The following CNGA1 variants were observed in gnomAD, a reference collection of about 807,000 sequenced individuals.
CNGA1 encodes cyclic nucleotide-gated channel alpha-1.
In CNGA1, 53 loss-of-function variants were observed where a neutral mutation model predicts 69.7. The observed-to-expected ratio is 0.76, with a 90% confidence interval of 0.61 to 0.96. CNGA1 has a LOEUF of 0.96. Ranked by LOEUF, CNGA1 falls within the 40% of genes least tolerant of loss-of-function variation. CNGA1 has a pLI of 0.00. For synonymous variants in CNGA1, 249 were observed against 283.5 expected, an observed-to-expected ratio of 0.88 and a Z score of 1.22; for missense variants, 739 against 811.2, an observed-to-expected ratio of 0.91 and a Z score of 1.08.
At chr4:47,980,217 T>G (rs1016307977) in intron 3 of CNGA1, among the ~76,000 whole-genome samples, 1 of 152,162 alleles carries the variant, frequency 6.6e-6, no homozygotes, top group Non-Finnish European at 1.5e-5. Context: ...AGTGAAAGAA[T>G]GAGTGTAATT....
At chr4:47,955,108 C>G (rs367547812) in intron 3 of CNGA1, among the ~76,000 whole-genome samples, 19 of 151,520 alleles carry the variant, frequency 1.3e-4, no homozygotes, top group African/African-American at 3.9e-4. Flanking sequence ...GCCTCAGTGA[C>G]TCAATTAGGA....
intron 2 of CNGA1, among the ~76,000 whole-genome samples, chr4:48,008,183 G>GT (rs1027215222): frequency 2.6e-5 from 4 of 151,670 alleles, no homozygotes; most frequent in East Asian, 3.8e-4. Context: ...AAGTTTTGGG[G>GT]TTTTTTTTAA....
chr4:47,937,689 C>T lies in CNGA1; in HGVS notation c.793G>A (p.Glu265Lys). The T allele has an allele frequency of 6.2e-7, 1 of 1,614,130 alleles. No homozygotes were observed. Among genetic ancestry groups the T allele is most frequent in the South Asian group, 1.1e-5 (1 of 91,086 alleles). Residue 265 changes from glutamate (E) to lysine (K), a missense_variant, in exon 11 of 11, where the codon GAA (glutamate) becomes AAA (lysine). Glu to Lys is a moderately conservative substitution (Grantham distance 56). Coordinates refer to ENST00000514170, the MANE Select transcript of CNGA1 (RefSeq NM_001379270.1). Reference sequence around the variant, plus strand: ...CGTAACAACCTGTTTAATCTAATTTCTGGATAGTTCCACCCTAACTTAAAA... The same window carrying T: ...CGTAACAACCTGTTTAATCTAATTTTTGGATAGTTCCACCCTAACTTAAAA... ...LYFKLGWNYP[E>K]IRLNRLLRFS...
chr4:47,974,380 G>A (rs1351621819), intron 3 of CNGA1, among the ~76,000 whole-genome samples: 1 of 152,046 alleles, frequency 6.6e-6, no homozygotes, highest in Non-Finnish European at 1.5e-5. Context: ...ACAAGAGTCT[G>A]TTTAATATCA....
At chr4:47,962,925 A>T (rs528655081) in intron 3 of CNGA1, among the ~76,000 whole-genome samples, 96 of 152,234 alleles carry the variant, frequency 6.3e-4, no homozygotes, top group African/African-American at 2.2e-3. Flanking sequence ...GTCTTGACTG[A>T]CAGAAAGAAT....
At chr4:47,977,698 G>A (rs1214230513) in intron 3 of CNGA1, among the ~76,000 whole-genome samples, 2 of 151,972 alleles carry the variant, frequency 1.3e-5, no homozygotes, top group Non-Finnish European at 2.9e-5. Context: ...CTTATACAGT[G>A]CCTTATACAG....
intron 3 of CNGA1, among the ~76,000 whole-genome samples, chr4:47,953,632 G>A (rs1204821591): frequency 1.3e-5 from 2 of 152,260 alleles, no homozygotes; most frequent in African/African-American, 4.8e-5. Flanking sequence ...AGCTCAGGTA[G>A]AGGAGGCAGG....
At chr4:47,981,146 A>C (rs1367674868) in intron 3 of CNGA1, among the ~76,000 whole-genome samples, 3 of 152,224 alleles carry the variant, frequency 2.0e-5, no homozygotes, top group Non-Finnish European at 4.4e-5. Flanking sequence ...ATAAAACTAA[A>C]ATTTGTGAAA....
At chr4:47,945,552 A>G (rs1739349602) in intron 6 of CNGA1, among the ~76,000 whole-genome samples, 1 of 152,206 alleles carries the variant, frequency 6.6e-6, no homozygotes, top group East Asian at 1.9e-4. Context: ...TGAGGGGCAT[A>G]TGATGGACTG....
At chr4:47,939,582 T>C (rs1738939089) in intron 10 of CNGA1, among the ~76,000 whole-genome samples, 2 of 152,206 alleles carry the variant, frequency 1.3e-5, no homozygotes, top group South Asian at 4.1e-4. Context: ...ACCTGAGACT[T>C]ACGACTGGCA....
At chr4:47,943,563 C>T (rs932427749) in intron 6 of CNGA1, among the ~76,000 whole-genome samples, 151 bp from the exon 7 acceptor site, 25 of 151,850 alleles carry the variant, frequency 1.6e-4, no homozygotes, top group African/African-American at 5.6e-4. Context: ...GTTTCTACCC[C>T]AAAAAGTGGG....
At chr4:47,951,264 C>G (rs1297276125) in intron 5 of CNGA1, 89 bp downstream of exon 5, 1 of 813,228 alleles carries the variant, frequency 1.2e-6, no homozygotes, top group Non-Finnish European at 2.1e-6. Flanking sequence ...AAGGTCATCA[C>G]CATGATCTGA....
At chr4:48,002,122 C>T (rs1507915) in intron 2 of CNGA1, among the ~76,000 whole-genome samples, 2,042 of 152,156 alleles carry the variant, frequency 0.013, 31 homozygotes, top group African/African-American at 0.043. Context: ...AAAGTCTAAA[C>T]TTTCACCTTA....
intron 3 of CNGA1, among the ~76,000 whole-genome samples, chr4:47,971,393 A>AC (rs1190905410): frequency 2.0e-5 from 3 of 151,656 alleles, no homozygotes; most frequent in Admixed American, 6.6e-5. Flanking sequence ...ATATATACTG[A>AC]CCCCCCATTT....
intron 2 of CNGA1, among the ~76,000 whole-genome samples, chr4:48,001,379 G>A (rs1329253683): frequency 6.6e-6 from 1 of 152,192 alleles, no homozygotes. Flanking sequence ...TGAGGTAAGA[G>A]AATCACTTGA....
In CNGA1 at chr4:47,942,055, TG is replaced by T. The variant is rs1476546899; in HGVS notation, c.530del (p.Thr177LysfsTer17). On this transcript the variant is annotated frameshift_variant, in exon 9 of 11. Coordinates refer to ENST00000514170, the MANE Select transcript of CNGA1 (RefSeq NM_001379270.1). LOFTEE classifies it high-confidence loss of function. Reference protein sequence around the residue: ...CITLPVMYNWTMVIARACFDE... With the variant: ...CITLPVMYNWXMVIARACFDE... ...ATTATAGACACCTGGCAATAACCAT[TG>T]TCCAGTTGTACATAACAGGTAATGT... The T allele has an allele frequency of 3.7e-6, 6 of 1,608,752 alleles. No homozygotes were observed. In the Admixed American group the frequency reaches 1.0e-4, roughly 27 times the overall value.
chr4:47,983,409 G>A (rs1268456292), intron 2 of CNGA1, among the ~76,000 whole-genome samples: 1 of 151,702 alleles, frequency 6.6e-6, no homozygotes, highest in African/African-American at 2.4e-5. Flanking sequence ...ACCAACATGA[G>A]GAAACCCTGT....
chr4:48,016,022 T>C (rs1339847242), intron 1 of CNGA1, among the ~76,000 whole-genome samples: 1 of 152,264 alleles, frequency 6.6e-6, no homozygotes, highest in Non-Finnish European at 1.5e-5. Flanking sequence ...CTGTGAGATT[T>C]AATTAATACA....
At position 47,936,876 on chromosome 4, in the gene CNGA1, C is replaced by T. The variant is rs370912894; in HGVS notation, c.1606G>A (p.Asp536Asn). 40 of 1,613,994 alleles carry T rather than the reference C, an allele frequency of 2.5e-5. No individual in the cohort carries two copies. The highest frequency in any genetic ancestry group is 1.2e-4 in the Admixed American group (7 of 60,004). The part of the protein sequence containing the change: ...DGVTQFVVLS[D>N]GSYFGEISIL... ...CTGATCTCACCGAAGTAGCTGCCATCGCTCAATACCACAAACTGAGTGACT... is the reference window on the plus strand; with the variant it reads ...CTGATCTCACCGAAGTAGCTGCCATTGCTCAATACCACAAACTGAGTGACT... The change falls in exon 11 of 11, where the codon GAT (aspartate) becomes AAT (asparagine). Residue 536 changes from aspartate (D) to asparagine (N), a missense_variant. Asp to Asn is a conservative substitution (Grantham distance 23). Transcript: ENST00000514170.
Sources: gnomAD v4.1 joint callset for allele counts (sites outside exome capture counted in the v4.1 genomes callset) on GRCh38, gnomAD v4.1.1 for gene constraint, MANE v1.5 for transcripts, NCBI Gene and HGNC (gene_info 2026-07-23, HGNC 2026-07-21) for gene names.